The following RAPGEF4 variants were observed in gnomAD, a reference collection of about 807,000 sequenced individuals.
RAPGEF4 encodes Rap guanine nucleotide exchange factor 4.
Under a neutral mutation model 147.9 loss-of-function variants are expected in RAPGEF4, and 66 were observed. The observed-to-expected ratio is 0.45, with a 90% CI of 0.37 to 0.55. The LOEUF is 0.55. Among genes scored for constraint, RAPGEF4 ranks in the 20% least tolerant of loss-of-function variants. The pLI is 0.00. For synonymous variants in RAPGEF4, 419 were observed against 442.7 expected (o/e 0.95, Z 0.67); for missense variants, 1,071 against 1,257.3 (o/e 0.85, Z 2.24).
chr2:172,797,610 C>T lies in RAPGEF4; in HGVS notation c.294C>T (p.His98=). The stretch of plus-strand genomic sequence containing the variant: ...TTAAAGTATCTGAGACCAGCAGTCA[C>T]CAGGTAATATGGTCTATTTTTTTGA... ...LDVKVSETSS[H]QDAVTICTLG... Residue 98 remains histidine (H), a synonymous_variant, in exon 3 of 31, where the codon CAC becomes CAT. Transcript: ENST00000397081. 1 of 1,610,234 alleles carries T rather than the reference C, an allele frequency of 6.2e-7. No individual in the cohort carries two copies. The highest frequency in any genetic ancestry group is 8.5e-7 in the Non-Finnish European group (1 of 1,176,894).
At chr2:172,892,666 C>T (rs1698060231) in intron 4 of RAPGEF4, among the ~76,000 whole-genome samples, 1 of 152,218 alleles carries the variant, frequency 6.6e-6, no homozygotes, top group African/African-American at 2.4e-5. Context: ...CAACAAGGGT[C>T]CCCAGTGGGA....
rs978717498 is a variant in RAPGEF4 at position 172,764,753 on chromosome 2, C to G, written c.65+28705C>G. Among the ~76,000 whole-genome samples, 26 of 152,154 alleles carry G rather than the reference C, an allele frequency of 1.7e-4. 1 individual carries two copies. Among genetic ancestry groups the G allele is most frequent in the African/African-American group, 6.3e-4 (26 of 41,426 alleles). On this transcript the variant is annotated intron_variant, in intron 1 of 30. Transcript: ENST00000397081. ...TCTACACAGTATCTAAGGTGCCTGC[C>G]TTCTTGGTGATGGAGATTGACAAAA...
At position 172,833,249 on chromosome 2, in the gene RAPGEF4, C is replaced by T. The variant is rs577946349; in HGVS notation, c.444+18824C>T. Among the ~76,000 whole-genome samples the T allele has an allele frequency of 2.4e-5, 3 of 126,894 alleles. No homozygotes were observed. The Admixed American group carries it at 2.7e-4, about 11-fold the overall frequency. The allele number at this position is 126,894 out of a possible 152,430, so 83.2% of individuals were successfully genotyped here. Reference sequence around the variant, plus strand: ...AAAAAGGTATGGCACTGAACATGTACAGAGGTTTGGGTTTTTTTTTTTTTT... The same window carrying T: ...AAAAAGGTATGGCACTGAACATGTATAGAGGTTTGGGTTTTTTTTTTTTTT... On this transcript the variant is annotated intron_variant, in intron 4 of 30. Transcript: ENST00000397081.
At chr2:172,920,121 G>A (rs1018488368) in intron 5 of RAPGEF4, among the ~76,000 whole-genome samples, 8 of 152,110 alleles carry the variant, frequency 5.3e-5, no homozygotes, top group Non-Finnish European at 1.2e-4. Flanking sequence ...TGGAGAGAAT[G>A]ATACAGTTAA....
intron 1 of RAPGEF4, among the ~76,000 whole-genome samples, chr2:172,750,516 G>A (rs150379647): frequency 7.2e-5 from 11 of 152,096 alleles, no homozygotes; most frequent in East Asian, 1.9e-4. Context: ...GCCAGGTCCC[G>A]TCCCGCAACA....
intron 4 of RAPGEF4, among the ~76,000 whole-genome samples, chr2:172,841,803 C>CACACACACACACACACACACACACACAA (rs1691630628): frequency 7.3e-6 from 1 of 137,190 alleles, no homozygotes. Context: ...CACACACACA[C>CACACACACACACACACACACACACACAA]ACACACACAC....
intron 1 of RAPGEF4, among the ~76,000 whole-genome samples, chr2:172,736,843 C>A (rs1693825861): frequency 6.6e-6 from 1 of 152,184 alleles, no homozygotes; most frequent in Non-Finnish European, 1.5e-5. Flanking sequence ...AAAGGTGATG[C>A]ATCTGAACTT....
At chr2:172,749,844 A>T (rs899833963) in intron 1 of RAPGEF4, among the ~76,000 whole-genome samples, 57 of 152,140 alleles carry the variant, frequency 3.7e-4, no homozygotes, top group African/African-American at 1.3e-3. Flanking sequence ...GTGCTTTGCC[A>T]CTTTGAAATT....
chr2:172,960,215 T>TA (rs1254277652), intron 6 of RAPGEF4, among the ~76,000 whole-genome samples: 3 of 152,218 alleles, frequency 2.0e-5, no homozygotes, highest in Admixed American at 1.3e-4. Context: ...AGAAGTGTAC[T>TA]AACTGCCTCA....
At chr2:172,870,790 G>C (rs1323009017) in intron 4 of RAPGEF4, among the ~76,000 whole-genome samples, 2 of 152,020 alleles carry the variant, frequency 1.3e-5, no homozygotes, top group Admixed American at 1.3e-4. Context: ...TATAAATTGA[G>C]ATTTAAATTT....
intron 4 of RAPGEF4, among the ~76,000 whole-genome samples, chr2:172,848,241 AG>A (rs987521950): frequency 1.5e-4 from 23 of 152,176 alleles, no homozygotes; most frequent in Admixed American, 5.2e-4. Context: ...ATGACAGTGC[AG>A]TGACACCTGG....
intron 6 of RAPGEF4, among the ~76,000 whole-genome samples, chr2:172,949,248 TG>T (rs1687980223): frequency 6.6e-6 from 1 of 152,212 alleles, no homozygotes; most frequent in South Asian, 2.1e-4. Context: ...ACAATCTGTA[TG>T]CACAAAGCAC....
intron 4 of RAPGEF4, among the ~76,000 whole-genome samples, chr2:172,835,696 C>T (rs1237981011): frequency 6.6e-6 from 1 of 152,098 alleles, no homozygotes; most frequent in Admixed American, 6.6e-5. Context: ...AGAATACGTT[C>T]TTGATACTTA....
intron 3 of RAPGEF4, among the ~76,000 whole-genome samples, chr2:172,812,606 G>C (rs1483531480): frequency 2.0e-5 from 3 of 152,290 alleles, no homozygotes; most frequent in South Asian, 4.1e-4. Context: ...TCCATAAACT[G>C]TACAGCTAGC....
intron 3 of RAPGEF4, among the ~76,000 whole-genome samples, chr2:172,801,558 G>A (rs567128503): frequency 3.9e-5 from 6 of 152,258 alleles, no homozygotes; most frequent in African/African-American, 1.4e-4. Flanking sequence ...TGTGTCACAA[G>A]CATTATCCCA....
intron 29 of RAPGEF4, among the ~76,000 whole-genome samples, chr2:173,038,021 T>C (rs1466026127): frequency 6.6e-6 from 1 of 152,166 alleles, no homozygotes; most frequent in East Asian, 1.9e-4. Flanking sequence ...CAAAGCCCAG[T>C]CTGGTCAAGT....
chr2:173,023,131 T>A (rs1696273815), intron 23 of RAPGEF4, among the ~76,000 whole-genome samples: 1 of 152,156 alleles, frequency 6.6e-6, no homozygotes, highest in Admixed American at 6.5e-5. Flanking sequence ...ACAGAGGGTG[T>A]GGGCACACGA....
intron 1 of RAPGEF4, among the ~76,000 whole-genome samples, chr2:172,753,800 G>A (rs1241684053): frequency 1.3e-5 from 2 of 151,630 alleles, no homozygotes; most frequent in Non-Finnish European, 2.9e-5. Context: ...TGACATAATT[G>A]CTACCAACAC....
intron 6 of RAPGEF4, among the ~76,000 whole-genome samples, chr2:172,950,119 T>A (rs1203250625): frequency 6.6e-6 from 1 of 152,234 alleles, no homozygotes; most frequent in Non-Finnish European, 1.5e-5. Flanking sequence ...GGGGAGAGAA[T>A]GCTAACTTTG....
Sources: allele counts gnomAD v4.1 joint callset (sites outside exome capture counted in the v4.1 genomes callset), GRCh38; gene constraint gnomAD v4.1.1; transcripts MANE v1.5; gene names NCBI Gene and HGNC (gene_info 2026-07-23, HGNC 2026-07-21).